Variants in KCNK4 observed in about 807,000 individuals in gnomAD.
KCNK4 encodes potassium two pore domain channel subfamily K member 4, also known as potassium channel subfamily K member 4.
Under a neutral mutation model 28.8 loss-of-function variants are expected in KCNK4, and 22 were observed. The observed-to-expected ratio is 0.76, with a 90% confidence interval of 0.55 to 1.09. KCNK4 has a LOEUF of 1.09. Ranked by LOEUF, KCNK4 falls within the 50% of genes least tolerant of loss-of-function variation. KCNK4 has a pLI of 0.00. For missense variants in KCNK4, 483 were observed against 546.3 expected (o/e 0.88, Z 1.15); for synonymous variants, 263 against 252.9 (o/e 1.04, Z -0.38).
Position 64,299,449 on chromosome 11 carries a change from C to T in KCNK4, c.905C>T (p.Pro302Leu). Residue 302 changes from proline (P) to leucine (L), a missense_variant, in exon 7 of 7, where the codon CCA (proline) becomes CTA (leucine). Transcript: ENST00000422670. ...PAAPPPEKEQ[P>L]LLPPPPCPAQ... The stretch of plus-strand genomic sequence containing the variant: ...GCCCCGCCGCCGGAGAAGGAGCAGC[C>T]ACTGCTGCCTCCACCGCCCTGTCCA... 1.2e-6 allele frequency: 2 copies of T among 1,600,096 alleles called. No individual in the cohort carries two copies. The highest frequency in any genetic ancestry group is 1.7e-6 in the Non-Finnish European group (2 of 1,175,390).
chr11:64,299,983 A>G lies in KCNK4; in HGVS notation c.*257A>G. 1 of 648,326 alleles carries G rather than the reference A, an allele frequency of 1.5e-6. No individual in the cohort carries two copies. The highest frequency in any genetic ancestry group is 2.9e-5 in the Admixed American group (1 of 34,016). The allele number at this position is 648,326 out of a possible 1,614,324, so 40.2% of individuals were successfully genotyped here. ...CTCACGACTGTGCCTCAAAGCCTGC[A>G]TCAATAAATGAAAACGGTCTGCACC... is the stretch of plus-strand genomic sequence containing the variant. On this transcript the variant is annotated 3_prime_UTR_variant, in exon 7 of 7. Coordinates refer to ENST00000422670, the MANE Select transcript of KCNK4 (RefSeq NM_033310.3).
chr11:64,293,790 G>T (rs1010914356), intron 2 of KCNK4, among the ~76,000 whole-genome samples: 9 of 151,940 alleles, frequency 5.9e-5, no homozygotes, highest in Non-Finnish European at 1.3e-4. Flanking sequence ...TAGTAGAGAT[G>T]GGGTTTCACC....
Position 64,299,492 on chromosome 11 carries a change from G to T in KCNK4, c.948G>T (p.Arg316Ser), listed in dbSNP as rs773170113. ...CCTGTCCAGCGCAGCCGCTGGGCAG[G>T]CCCCGATCCCCTTCGCCCCCCGAGA... Reference protein sequence around the residue: ...PPPCPAQPLGRPRSPSPPEKA... With the variant: ...PPPCPAQPLGSPRSPSPPEKA... Residue 316 changes from arginine (R) to serine (S), a missense_variant, in exon 7 of 7, where the codon AGG (arginine) becomes AGT (serine). Physicochemically the swap from Arg to Ser is moderately radical, Grantham distance 110. Transcript: ENST00000422670. 19 of 1,607,528 alleles carry T rather than the reference G, an allele frequency of 1.2e-5. No homozygotes were observed. The highest frequency in any genetic ancestry group is 1.6e-5 in the Non-Finnish European group (19 of 1,178,150).
chr11:64,298,508 C>G (rs1207803928), intron 6 of KCNK4, among the ~76,000 whole-genome samples: 1 of 152,142 alleles, frequency 6.6e-6, no homozygotes, highest in African/African-American at 2.4e-5. Flanking sequence ...ATGGTGAGAT[C>G]CCGCCTCTAG....
rs74324757 is a variant in KCNK4, at chr11:64,294,859, C to G, written c.189+1652C>G. Among the ~76,000 whole-genome samples the G allele has an allele frequency of 1.3e-3, 157 of 121,692 alleles. 2 individuals carry two copies. The East Asian group carries it at 0.016, about 12-fold the overall frequency. 79.8% of individuals were successfully genotyped at this position (121,692 alleles called of 152,430 possible). A position where few individuals can be genotyped will look rare whatever the true frequency, so the allele number is the denominator to read the frequency against. Reference sequence around the variant, plus strand: ...GAATGCCAGTGGAGGCTCAGAGAGGCGTGGGAAGAATGTATCTGGCCAGAC... The same window carrying G: ...GAATGCCAGTGGAGGCTCAGAGAGGGGTGGGAAGAATGTATCTGGCCAGAC... On this transcript the variant is annotated intron_variant, in intron 2 of 6. Transcript: ENST00000422670.
Position 64,297,257 on chromosome 11 carries a change from G to C in KCNK4, c.452G>C (p.Gly151Ala), listed in dbSNP as rs749664586. ...RLGSSLRHGI[G>A]HIEAIFLKWH... ...GGCTCCTCCCTGCGCCATGGCATCG[G>C]TCACATTGAAGCCATCTTCTTGGTG... Residue 151 changes from glycine (G) to alanine (A), a missense_variant, in exon 4 of 7, where the codon GGT (glycine) becomes GCT (alanine). Coordinates refer to ENST00000422670, the MANE Select transcript of KCNK4 (RefSeq NM_033310.3). 6.2e-7 allele frequency: 1 copy of C among 1,613,342 alleles called. No individual in the cohort carries two copies. The highest frequency in any genetic ancestry group is 2.2e-5 in the East Asian group (1 of 44,892).
chr11:64,296,718 T>G, intron 2 of KCNK4, 160 bp from the exon 3 acceptor site: 1 of 577,734 alleles, frequency 1.7e-6, no homozygotes, highest in Non-Finnish European at 2.7e-6. Flanking sequence ...TGGACCCAGT[T>G]TGTATCTTCT....
rs1315754862 is a variant in KCNK4, at chr11:64,297,043, C to T, written c.313+42C>T. The T allele has an allele frequency of 2.5e-6, 4 of 1,592,248 alleles. No homozygotes were observed. The South Asian group carries it at 3.4e-5, about 13-fold the overall frequency. ...GCATGTGGGGGGCGGCAAGGAGCTTCCTCATGGGGGAAGGTGCAGGGAGAC... is the reference window on the plus strand; with the variant it reads ...GCATGTGGGGGGCGGCAAGGAGCTTTCTCATGGGGGAAGGTGCAGGGAGAC... On this transcript the variant is annotated intron_variant, in intron 3 of 6. Coordinates refer to ENST00000422670, the MANE Select transcript of KCNK4 (RefSeq NM_033310.3).
chr11:64,294,190 T>G (rs2051804217), intron 2 of KCNK4, among the ~76,000 whole-genome samples: 1 of 152,104 alleles, frequency 6.6e-6, no homozygotes, highest in African/African-American at 2.4e-5. Context: ...CAGGGTTCCC[T>G]GAGGCACTTC....
Position 64,299,903 on chromosome 11 carries a change from A to AC in KCNK4, c.*184dup, listed in dbSNP as rs1423009370. On this transcript the variant is annotated 3_prime_UTR_variant, in exon 7 of 7. Coordinates refer to ENST00000422670, the MANE Select transcript of KCNK4 (RefSeq NM_033310.3). ...TTCCCTCACTTCCATCCATCTCTAGACCCCCCCAAGGCTTTCTGTGTCGCT... is the reference window on the plus strand; with the variant it reads ...TTCCCTCACTTCCATCCATCTCTAGACCCCCCCCAAGGCTTTCTGTGTCGCT... 22 of 1,248,728 alleles carry AC rather than the reference A, an allele frequency of 1.8e-5. No individual in the cohort carries two copies. Among genetic ancestry groups the AC allele is most frequent in the South Asian group, 8.2e-5 (6 of 73,326 alleles). 77.4% of individuals were successfully genotyped at this position (1,248,728 alleles called of 1,614,324 possible).
At chr11:64,292,759 C>G (rs888735577) in intron 1 of KCNK4, 183 bp from the exon 2 acceptor site, 7 of 517,096 alleles carry the variant, frequency 1.4e-5, no homozygotes, top group Non-Finnish European at 2.1e-5. Flanking sequence ...GGCTGAGGGC[C>G]GGGCAGCGGA....
At position 64,299,753 on chromosome 11, in the gene KCNK4, A is replaced by C. The variant is rs1375028758; in HGVS notation, c.*27A>C. ...GGCAGGATCCCTGGCCGGGCCTCTC[A>C]AGGGCTTCGTTTCTGCTCTCCCCGG... is the stretch of plus-strand genomic sequence containing the variant. On this transcript the variant is annotated 3_prime_UTR_variant, in exon 7 of 7. Transcript: ENST00000422670. The C allele has an allele frequency of 1.9e-6, 3 of 1,542,008 alleles. No individual in the cohort carries two copies. Among genetic ancestry groups the C allele is most frequent in the Admixed American group, 2.0e-5 (1 of 51,198 alleles).
chr11:64,299,473 C>T lies in KCNK4; in HGVS notation c.929C>T (p.Pro310Leu), dbSNP rs2034868071. 4 of 1,606,466 alleles carry T rather than the reference C, an allele frequency of 2.5e-6. No individual in the cohort carries two copies. Among genetic ancestry groups the T allele is most frequent in the Non-Finnish European group, 3.4e-6 (4 of 1,177,884 alleles). ...CCACTGCTGCCTCCACCGCCCTGTC[C>T]AGCGCAGCCGCTGGGCAGGCCCCGA... is the stretch of plus-strand genomic sequence containing the variant. ...EQPLLPPPPC[P>L]AQPLGRPRSP... Residue 310 changes from proline (P) to leucine (L), a missense_variant, in exon 7 of 7, where the codon CCA becomes CTA. Pro to Leu is a moderately conservative substitution (Grantham distance 98). Transcript: ENST00000422670.
At chr11:64,296,516 C>A (rs2034767182) in intron 2 of KCNK4, among the ~76,000 whole-genome samples, 1 of 152,050 alleles carries the variant, frequency 6.6e-6, no homozygotes, top group Admixed American at 6.6e-5. Flanking sequence ...TTGAGACATG[C>A]AGAAGCTGAG....
In KCNK4 at chr11:64,292,966, C is replaced by T. The variant is rs1053867298; in HGVS notation, c.-53C>T. On this transcript the variant is annotated 5_prime_UTR_variant, in exon 2 of 7. Transcript: ENST00000422670. ...GTGACGACAGCTCCCCAGGAGCCCC[C>T]CGCCCGGCCCCTCCAGGCGGGCAGT... 1 of 1,494,472 alleles carries T rather than the reference C, an allele frequency of 6.7e-7. No homozygotes were observed. The highest frequency in any genetic ancestry group is 1.4e-5 in the African/African-American group (1 of 71,136). The allele number at this position is 1,494,472 out of a possible 1,614,324, so 92.6% of individuals were successfully genotyped here.
chr11:64,294,792 G>A (rs1369525568), intron 2 of KCNK4, among the ~76,000 whole-genome samples: 1 of 151,942 alleles, frequency 6.6e-6, no homozygotes, highest in African/African-American at 2.4e-5. Context: ...TGTGGGGTGG[G>A]GTTGGGACAC....
rs757639151 is a variant in KCNK4, at chr11:64,293,171, G to C, written c.153G>C (p.Pro51=). The change falls in exon 2 of 7, where the codon CCG becomes CCC. Residue 51 remains proline, a synonymous_variant. Transcript: ENST00000422670. ...EVREKFLRAH[P]CVSDQELGLL... is the part of the protein sequence containing the mutation. Reference sequence around the variant, plus strand: ...GAGAGAAGTTCCTGAGGGCCCATCCGTGTGTGAGCGACCAGGAGCTGGGCC... The same window carrying C: ...GAGAGAAGTTCCTGAGGGCCCATCCCTGTGTGAGCGACCAGGAGCTGGGCC... The C allele has an allele frequency of 1.7e-5, 25 of 1,499,570 alleles. No homozygotes were observed. In the Admixed American group the frequency reaches 5.5e-4, roughly 33 times the overall value. The allele number at this position is 1,499,570 out of a possible 1,614,324, so 92.9% of individuals were successfully genotyped here.
At chr11:64,294,048 T>G (rs1392434401) in intron 2 of KCNK4, among the ~76,000 whole-genome samples, 1 of 152,110 alleles carries the variant, frequency 6.6e-6, no homozygotes, top group Non-Finnish European at 1.5e-5. Flanking sequence ...CCCCTCCCCC[T>G]GGAAAAGTGT....
At chr11:64,299,178 G>A (rs1293089983) in intron 6 of KCNK4, among the ~76,000 whole-genome samples, 168 bp from the exon 7 acceptor site, 1 of 152,066 alleles carries the variant, frequency 6.6e-6, no homozygotes, top group Non-Finnish European at 1.5e-5. Context: ...CACCCTGCTG[G>A]GAGCACCCAG....
Sources: gnomAD v4.1 joint callset for allele counts (sites outside exome capture counted in the v4.1 genomes callset) on GRCh38, gnomAD v4.1.1 for gene constraint, MANE v1.5 for transcripts, NCBI Gene and HGNC (gene_info 2026-07-23, HGNC 2026-07-21) for gene names.